Variants in MAGI1 observed in about 807,000 individuals in gnomAD.
MAGI1 encodes the protein membrane-associated guanylate kinase, WW and PDZ domain-containing protein 1.
In MAGI1, 58 loss-of-function variants were observed where a neutral mutation model predicts 139.9. That is an observed-to-expected ratio of 0.41 (90% confidence interval 0.34 to 0.52). The LOEUF (loss-of-function observed/expected upper bound fraction) is 0.52, where lower values mean the gene tolerates loss of function less well. Ranked by LOEUF, MAGI1 falls within the 20% of genes least tolerant of loss-of-function variation. The pLI, the probability that MAGI1 is intolerant of heterozygous loss-of-function variation, is 0.12. For missense variants in MAGI1, 1,874 were observed against 1,901.6 expected (o/e 0.99, Z 0.27); for synonymous variants, 812 against 737.9 (o/e 1.10, Z -1.63).
intron 1 of MAGI1, among the ~76,000 whole-genome samples, chr3:65,684,418 G>C (rs1443694309): frequency 6.6e-6 from 1 of 152,014 alleles, no homozygotes; most frequent in African/African-American, 2.4e-5. Context: ...ATACTACTCA[G>C]CAATAAAAAT....
chr3:65,956,020 T>A (rs115096324), intron 1 of MAGI1, among the ~76,000 whole-genome samples: 1,545 of 152,256 alleles, frequency 0.01, 31 homozygotes, highest in African/African-American at 0.035. Flanking sequence ...GTGTTTATGG[T>A]TCTGCCCGGC....
intron 9 of MAGI1, among the ~76,000 whole-genome samples, chr3:65,439,599 G>A (rs573725921): frequency 6.6e-6 from 1 of 152,148 alleles, no homozygotes; most frequent in Admixed American, 6.6e-5. Context: ...TACTGCGGGG[G>A]CAAGAAATTT....
chr3:65,608,135 C>G (rs1265643501), intron 2 of MAGI1, among the ~76,000 whole-genome samples: 1 of 152,062 alleles, frequency 6.6e-6, no homozygotes, highest in Admixed American at 6.6e-5. Flanking sequence ...AAGCAAATGA[C>G]AATCCGATTA....
At chr3:65,909,297 G>A (rs2061563319) in intron 1 of MAGI1, among the ~76,000 whole-genome samples, 1 of 152,074 alleles carries the variant, frequency 6.6e-6, no homozygotes, top group South Asian at 2.1e-4. Context: ...GGCAGAAGCA[G>A]GAGGATCACT....
intron 14 of MAGI1, among the ~76,000 whole-genome samples, chr3:65,388,474 C>T (rs1943625209): frequency 6.6e-6 from 1 of 151,942 alleles, no homozygotes; most frequent in African/African-American, 2.4e-5. Flanking sequence ...ACTTTTTTCT[C>T]TTTGAAAGAC....
At chr3:65,615,403 C>T (rs1271553734) in intron 2 of MAGI1, among the ~76,000 whole-genome samples, 2 of 152,186 alleles carry the variant, frequency 1.3e-5, no homozygotes, top group Admixed American at 6.5e-5. Context: ...GGAATTGTCA[C>T]GGTCAGGAAT....
rs1560108581 is a variant in MAGI1, at chr3:66,011,131, T to C, written c.313+26865A>G. 2.6e-5 allele frequency among the ~76,000 whole-genome samples: 4 copies of C among 152,268 alleles called. No individual in the cohort carries two copies. The East Asian group carries it at 7.7e-4, about 29-fold the overall frequency. On this transcript the variant is annotated intron_variant, in intron 1 of 22. Transcript: ENST00000402939. ...TGATGATTCATTTAGGACAAAAGAA[T>C]TTACCTTTCCTTTCAACTCTCTGTG...
At chr3:65,796,480 C>CT (rs2040157036) in intron 1 of MAGI1, among the ~76,000 whole-genome samples, 1 of 152,180 alleles carries the variant, frequency 6.6e-6, no homozygotes, top group East Asian at 1.9e-4. Context: ...CATCTCTTTT[C>CT]TGCTGGGCTT....
At chr3:65,721,817 T>A (rs556178988) in intron 1 of MAGI1, among the ~76,000 whole-genome samples, 2 of 150,522 alleles carry the variant, frequency 1.3e-5, no homozygotes, top group East Asian at 3.9e-4. Flanking sequence ...TGTTTCTGTT[T>A]GTATGTTTTG....
Position 65,356,917 on chromosome 3 carries a change from C to T in MAGI1, c.3850G>A (p.Gly1284Arg). Residue 1284 changes from glycine to arginine, a missense_variant, in exon 23 of 23, where the codon GGG (glycine) becomes AGG (arginine). Gly to Arg is a moderately radical substitution (Grantham distance 125). This residue lies in a region of MAGI1 where 653 missense variants were observed against 644.5 expected (regional missense o/e 1.01). Coordinates refer to ENST00000402939, the MANE Select transcript of MAGI1 (RefSeq NM_001033057.2). The stretch of plus-strand genomic sequence containing the variant: ...CCGCTGTCGGGTTTCCTCGAAGTCC[C>T]ATTCCAGGTGTGGTGTTCATTGGGT... ...RQPNEHHTWN[G>R]TSRKPDSGAC... The T allele has an allele frequency of 6.2e-7, 1 of 1,614,194 alleles. No individual in the cohort carries two copies. The highest frequency in any genetic ancestry group is 8.5e-7 in the Non-Finnish European group (1 of 1,180,018).
chr3:65,896,669 TCAAACAAA>T (rs544246606), intron 1 of MAGI1, among the ~76,000 whole-genome samples: 4 of 152,002 alleles, frequency 2.6e-5, no homozygotes, highest in Non-Finnish European at 4.4e-5. Context: ...AGACCCCGTC[TCAAACAAA>T]CAAACAAACA....
intron 1 of MAGI1, among the ~76,000 whole-genome samples, chr3:65,675,671 C>T (rs184785869): frequency 2.6e-5 from 4 of 152,242 alleles, no homozygotes; most frequent in Admixed American, 2.0e-4. Flanking sequence ...AGTGTCACAG[C>T]GGCACATGTA....
intron 1 of MAGI1, among the ~76,000 whole-genome samples, chr3:65,757,897 C>T (rs1487191855): frequency 1.3e-5 from 2 of 148,892 alleles, no homozygotes; most frequent in African/African-American, 4.8e-5. Context: ...AATGTATCAC[C>T]CAATTTCCCT....
At chr3:65,708,858 G>A (rs1340812435) in intron 1 of MAGI1, among the ~76,000 whole-genome samples, 1 of 152,064 alleles carries the variant, frequency 6.6e-6, no homozygotes, top group Non-Finnish European at 1.5e-5. Flanking sequence ...ACCTGGGTAG[G>A]TGATGAACAT....
At chr3:65,728,943 T>C (rs1418389925) in intron 1 of MAGI1, among the ~76,000 whole-genome samples, 1 of 152,154 alleles carries the variant, frequency 6.6e-6, no homozygotes, top group East Asian at 1.9e-4. Flanking sequence ...GATCATTTAC[T>C]GTGTTTAATA....
At chr3:65,517,734 CCCT>C (rs2077972221) in intron 2 of MAGI1, among the ~76,000 whole-genome samples, 1 of 152,078 alleles carries the variant, frequency 6.6e-6, no homozygotes, top group African/African-American at 2.4e-5. Flanking sequence ...CCACAGGGAT[CCCT>C]CCTCTGAGCC....
At chr3:66,001,309 A>C (rs1168245764) in intron 1 of MAGI1, among the ~76,000 whole-genome samples, 1 of 152,198 alleles carries the variant, frequency 6.6e-6, no homozygotes, top group Non-Finnish European at 1.5e-5. Context: ...TTTTAAAATA[A>C]ACTTTGAATA....
At chr3:65,386,268 C>A (rs922213323) in intron 14 of MAGI1, among the ~76,000 whole-genome samples, 2 of 148,908 alleles carry the variant, frequency 1.3e-5, no homozygotes, top group Non-Finnish European at 3.0e-5. Flanking sequence ...AAAAAAGCTT[C>A]GTTTCCTTCT....
intron 1 of MAGI1, among the ~76,000 whole-genome samples, chr3:65,900,979 A>T (rs2108621384): frequency 6.6e-6 from 1 of 152,368 alleles, no homozygotes; most frequent in Non-Finnish European, 1.5e-5. Context: ...GAGCGCATTC[A>T]GCAGGAAATG....
Sources: gnomAD v4.1 joint callset for allele counts (sites outside exome capture counted in the v4.1 genomes callset) on GRCh38, gnomAD v4.1.1 for gene constraint, gnomAD v4.1.1 regional missense constraint, MANE v1.5 for transcripts, NCBI Gene and HGNC (gene_info 2026-07-23, HGNC 2026-07-21) for gene names.